The following TMOD3 variants were observed in gnomAD, a reference collection of about 807,000 sequenced individuals.
TMOD3 encodes the protein tropomodulin-3.
Under a neutral mutation model 39.2 loss-of-function variants are expected in TMOD3, and 20 were observed. The ratio of observed to expected loss-of-function variants is 0.51; its 90% CI spans 0.36 to 0.74. The LOEUF is 0.74. TMOD3 is among the 30% of genes least tolerant of loss of function. The pLI is 0.00. For missense variants in TMOD3, 381 were observed against 412.8 expected (o/e 0.92, Z 0.67); for synonymous variants, 143 against 145.8 (o/e 0.98, Z 0.14).
intron 1 of TMOD3, among the ~76,000 whole-genome samples, chr15:51,838,229 A>G (rs1285040434): frequency 6.6e-6 from 1 of 152,032 alleles, no homozygotes; most frequent in Non-Finnish European, 1.5e-5. Flanking sequence ...CTGTGTAGCT[A>G]ATTCTGTCCC....
chr15:51,899,820 T>C (rs2056640435), intron 7 of TMOD3, among the ~76,000 whole-genome samples: 1 of 152,134 alleles, frequency 6.6e-6, no homozygotes, highest in Non-Finnish European at 1.5e-5. Flanking sequence ...AAAAATGAAG[T>C]GATGTGTAGG....
At chr15:51,859,531 A>G in intron 1 of TMOD3, 3 of 628,286 alleles carry the variant, frequency 4.8e-6, no homozygotes, top group Middle Eastern at 2.9e-4. Flanking sequence ...TGATAAGCCC[A>G]ATCCAGGTAC....
chr15:51,894,100 A>G (rs2056609157), intron 6 of TMOD3, among the ~76,000 whole-genome samples, 155 bp downstream of exon 6: 1 of 152,230 alleles, frequency 6.6e-6, no homozygotes, highest in Non-Finnish European at 1.5e-5. Flanking sequence ...CATATTTTAG[A>G]TATTGAAGTA....
At chr15:51,853,744 G>A (rs2056373901) in intron 1 of TMOD3, among the ~76,000 whole-genome samples, 1 of 151,226 alleles carries the variant, frequency 6.6e-6, no homozygotes, top group Non-Finnish European at 1.5e-5. Context: ...AAGAGTTTGA[G>A]GCTGCGCCAC....
chr15:51,846,485 A>T (rs2056336734), intron 1 of TMOD3, among the ~76,000 whole-genome samples: 1 of 152,348 alleles, frequency 6.6e-6, no homozygotes, highest in South Asian at 2.1e-4. Context: ...TTTAGGTTTT[A>T]TGTGTTCTTC....
chr15:51,838,779 T>C (rs1297834931), intron 1 of TMOD3, among the ~76,000 whole-genome samples: 1 of 152,150 alleles, frequency 6.6e-6, no homozygotes, highest in Admixed American at 6.5e-5. Flanking sequence ...CCTTCTGTGC[T>C]TTCCCCTTAG....
chr15:51,902,642 GTAT>G (rs1595913129), intron 9 of TMOD3, among the ~76,000 whole-genome samples: 8 of 63,350 alleles, frequency 1.3e-4, no homozygotes, highest in East Asian at 6.4e-4. Context: ...GCTAATTTTT[GTAT>G]TTTTTTTTTT....
intron 9 of TMOD3, among the ~76,000 whole-genome samples, chr15:51,906,988 C>T (rs1407508029): frequency 6.7e-6 from 1 of 149,338 alleles, no homozygotes; most frequent in African/African-American, 2.5e-5. Flanking sequence ...CCATTGCACT[C>T]CAGCCTGGGC....
chr15:51,863,633 A>G (rs974358260), intron 2 of TMOD3, among the ~76,000 whole-genome samples: 2 of 152,150 alleles, frequency 1.3e-5, no homozygotes, highest in African/African-American at 4.8e-5. Flanking sequence ...TTATTCCCTG[A>G]TATGTTGGAG....
intron 3 of TMOD3, among the ~76,000 whole-genome samples, chr15:51,871,793 A>C (rs1276083480): frequency 6.6e-6 from 1 of 152,214 alleles, no homozygotes; most frequent in African/African-American, 2.4e-5. Context: ...CCTCCTATGT[A>C]TCTTTTAAAA....
At chr15:51,878,049 TG>T (rs1359862725) in intron 3 of TMOD3, among the ~76,000 whole-genome samples, 1 of 152,246 alleles carries the variant, frequency 6.6e-6, no homozygotes, top group Admixed American at 6.5e-5. Flanking sequence ...CTGGCTGCCT[TG>T]GTTTTTCTGG....
At chr15:51,896,587 AT>A in intron 7 of TMOD3, 61 bp downstream of exon 7, 2 of 1,253,428 alleles carry the variant, frequency 1.6e-6, no homozygotes, top group Non-Finnish European at 2.3e-6. Flanking sequence ...TACAGTGGTG[AT>A]TTTTATGAAC....
intron 8 of TMOD3, among the ~76,000 whole-genome samples, chr15:51,900,536 T>G (rs960137901): frequency 1.3e-5 from 2 of 152,198 alleles, no homozygotes; most frequent in African/African-American, 4.8e-5. Context: ...TAGATGGCTA[T>G]CTAGTTTGAA....
intron 1 of TMOD3, among the ~76,000 whole-genome samples, chr15:51,852,161 G>T (rs1410113582): frequency 6.6e-6 from 1 of 152,142 alleles, no homozygotes; most frequent in Non-Finnish European, 1.5e-5. Context: ...GTAATTCATG[G>T]CGTAGGAAAT....
intron 1 of TMOD3, among the ~76,000 whole-genome samples, chr15:51,831,074 A>G (rs986713373): frequency 2.0e-5 from 3 of 152,158 alleles, no homozygotes; most frequent in Non-Finnish European, 4.4e-5. Flanking sequence ...GCCCCTAAAT[A>G]TCTCTCGTTT....
At chr15:51,870,685 C>G (rs890087433) in intron 3 of TMOD3, among the ~76,000 whole-genome samples, 1 of 152,184 alleles carries the variant, frequency 6.6e-6, no homozygotes, top group African/African-American at 2.4e-5. Context: ...ATCCATCACC[C>G]CAGCCCCTGT....
intron 8 of TMOD3, among the ~76,000 whole-genome samples, chr15:51,900,556 C>T (rs2141707637): frequency 6.6e-6 from 1 of 152,304 alleles, no homozygotes; most frequent in Non-Finnish European, 1.5e-5. Context: ...ACTGAGAGGA[C>T]TCTTACATGT....
chr15:51,852,987 A>T (rs1459811566), intron 1 of TMOD3, among the ~76,000 whole-genome samples: 2 of 152,212 alleles, frequency 1.3e-5, no homozygotes, highest in Non-Finnish European at 2.9e-5. Flanking sequence ...CTTTACAGAG[A>T]CACAATTTCA....
intron 3 of TMOD3, among the ~76,000 whole-genome samples, chr15:51,879,084 C>T (rs2056519470): frequency 6.6e-6 from 1 of 152,172 alleles, no homozygotes; most frequent in African/African-American, 2.4e-5. Flanking sequence ...CACAGTATTT[C>T]TTACTGATTT....
Sources: allele counts gnomAD v4.1 joint callset (sites outside exome capture counted in the v4.1 genomes callset), GRCh38; gene constraint gnomAD v4.1.1; transcripts MANE v1.5; gene names NCBI Gene and HGNC (gene_info 2026-07-23, HGNC 2026-07-21).